The following TOM1L2 variants were observed in gnomAD, a reference collection of about 807,000 sequenced individuals.
TOM1L2 encodes target of myb1 like 2 membrane trafficking protein.
A neutral mutation model predicts 67.9 loss-of-function variants in TOM1L2; 31 were observed. The observed-to-expected ratio is 0.46, with a 90% CI of 0.34 to 0.62. The LOEUF (loss-of-function observed/expected upper bound fraction) is 0.62, where lower values mean the gene tolerates loss of function less well. Among genes scored for constraint, TOM1L2 ranks in the 20% least tolerant of loss-of-function variants. The pLI is 0.01. For synonymous variants in TOM1L2, 256 were observed against 254.0 expected (o/e 1.01, Z -0.07); for missense variants, 606 against 663.5 (o/e 0.91, Z 0.95).
chr17:17,915,630 C>T (rs1358882318), intron 1 of TOM1L2, among the ~76,000 whole-genome samples: 2 of 152,086 alleles, frequency 1.3e-5, no homozygotes, highest in Admixed American at 6.6e-5. Flanking sequence ...ATCCTCCCAC[C>T]TCAGCCTCCC....
At chr17:17,894,740 A>C (rs2038466996) in intron 3 of TOM1L2, among the ~76,000 whole-genome samples, 1 of 152,200 alleles carries the variant, frequency 6.6e-6, no homozygotes, top group South Asian at 2.1e-4. Flanking sequence ...AGACCAGCCT[A>C]GCCAACACGG....
At chr17:17,859,976 G>C (rs1343928396) in intron 12 of TOM1L2, 1 of 152,394 alleles carries the variant, frequency 6.6e-6, no homozygotes, top group African/African-American at 2.4e-5. Context: ...CACACAAAGG[G>C]TGAAGGGCGG....
At chr17:17,954,269 G>A (rs1023457446) in intron 1 of TOM1L2, among the ~76,000 whole-genome samples, 1 of 151,846 alleles carries the variant, frequency 6.6e-6, no homozygotes, top group Admixed American at 6.6e-5. Flanking sequence ...AAGAAGCCCA[G>A]TCAGTGAAGG....
At chr17:17,878,005 G>A (rs900141686) in intron 7 of TOM1L2, among the ~76,000 whole-genome samples, 1 of 152,158 alleles carries the variant, frequency 6.6e-6, no homozygotes, top group Non-Finnish European at 1.5e-5. Context: ...CCAGGAGCAC[G>A]GCTCTATCCA....
intron 3 of TOM1L2, among the ~76,000 whole-genome samples, chr17:17,898,179 C>A (rs2038671139): frequency 2.0e-5 from 3 of 152,094 alleles, no homozygotes; most frequent in Non-Finnish European, 4.4e-5. Context: ...CCGCTTCAGC[C>A]TCCCAAAGTG....
intron 3 of TOM1L2, among the ~76,000 whole-genome samples, chr17:17,896,041 C>G (rs1182468228): frequency 2.0e-5 from 3 of 152,046 alleles, no homozygotes; most frequent in Non-Finnish European, 4.4e-5. Context: ...TCTGAGTGAC[C>G]ACAGGTTTTA....
chr17:17,892,159 G>T (rs980358878), intron 4 of TOM1L2, among the ~76,000 whole-genome samples: 6 of 152,196 alleles, frequency 3.9e-5, no homozygotes, highest in Non-Finnish European at 7.3e-5. Flanking sequence ...TGAGGAGGAG[G>T]AGTCACTGCT....
At chr17:17,873,630 G>A (rs2037265526) in intron 7 of TOM1L2, among the ~76,000 whole-genome samples, 1 of 152,238 alleles carries the variant, frequency 6.6e-6, no homozygotes, top group African/African-American at 2.4e-5. Context: ...GAAGGGAGCA[G>A]GGGTTGATGT....
intron 6 of TOM1L2, among the ~76,000 whole-genome samples, chr17:17,880,743 A>G (rs1237965695): frequency 6.6e-6 from 1 of 152,076 alleles, no homozygotes; most frequent in Non-Finnish European, 1.5e-5. Flanking sequence ...GGTGGCACTA[A>G]CCTCACCAGG....
At chr17:17,883,434 C>T (rs773538313) in intron 5 of TOM1L2, among the ~76,000 whole-genome samples, 1 of 152,156 alleles carries the variant, frequency 6.6e-6, no homozygotes, top group Non-Finnish European at 1.5e-5. Flanking sequence ...AAACAGCCTC[C>T]AGAAAGGGCA....
chr17:17,869,089 C>A, intron 8 of TOM1L2: 5 of 581,896 alleles, frequency 8.6e-6, no homozygotes, highest in Non-Finnish European at 1.4e-5. Context: ...AAAGGCAGAG[C>A]AGCCTGAGGC....
intron 1 of TOM1L2, among the ~76,000 whole-genome samples, chr17:17,969,799 A>G (rs1750733311): frequency 6.6e-6 from 1 of 152,148 alleles, no homozygotes; most frequent in African/African-American, 2.4e-5. Context: ...TCCAGATACT[A>G]TGCTAAGTGT....
chr17:17,869,563 A>G, intron 7 of TOM1L2, 90 bp from the exon 8 acceptor site: 1 of 1,469,154 alleles, frequency 6.8e-7, no homozygotes, highest in Non-Finnish European at 9.0e-7. Context: ...TGATTCTTAA[A>G]AGTCACAAAA....
At chr17:17,898,949 T>C (rs2038713874) in intron 2 of TOM1L2, among the ~76,000 whole-genome samples, 1 of 152,232 alleles carries the variant, frequency 6.6e-6, no homozygotes, top group South Asian at 2.1e-4. Context: ...GTTCTTTGCA[T>C]AACAGTGTAC....
At chr17:17,872,444 A>G (rs1354913199) in intron 7 of TOM1L2, among the ~76,000 whole-genome samples, 1 of 152,248 alleles carries the variant, frequency 6.6e-6, no homozygotes, top group East Asian at 1.9e-4. Context: ...CCTAAAAGAA[A>G]AAAAGGATAC....
At chr17:17,899,832 C>A (rs2038758124) in intron 2 of TOM1L2, among the ~76,000 whole-genome samples, 1 of 152,182 alleles carries the variant, frequency 6.6e-6, no homozygotes, top group Admixed American at 6.5e-5. Flanking sequence ...AACATTTATA[C>A]TCTACCAAAT....
chr17:17,847,655 C>T lies in TOM1L2; in HGVS notation c.1504G>A (p.Asp502Asn). The T allele has an allele frequency of 6.2e-7, 1 of 1,613,058 alleles. No homozygotes were observed. Residue 502 changes from aspartate to asparagine, a missense_variant, in exon 15 of 15, where the codon GAT becomes AAT. Around this residue, in one of 2 missense-constraint regions of TOM1L2, gnomAD observed 543 missense variants for 554.0 expected, o/e 0.98. Coordinates refer to ENST00000379504, the MANE Select transcript of TOM1L2 (RefSeq NM_001082968.2). Reference protein sequence around the residue: ...SGRKKPERSEDALFAL With the variant: ...SGRKKPERSENALFAL ...GCTGCTCACAGGGCGAAGAGGGCATCCTCTGACCGCTCTGGCTTCTTCCGG... is the reference window on the plus strand; with the variant it reads ...GCTGCTCACAGGGCGAAGAGGGCATTCTCTGACCGCTCTGGCTTCTTCCGG...
chr17:17,861,831 C>G (rs2036575742), intron 11 of TOM1L2: 1 of 347,752 alleles, frequency 2.9e-6, no homozygotes, highest in Admixed American at 4.5e-5. Flanking sequence ...AGTAACAATA[C>G]TGAGCATCTC....
intron 2 of TOM1L2, among the ~76,000 whole-genome samples, chr17:17,898,876 T>A (rs962029660): frequency 6.6e-6 from 1 of 152,218 alleles, no homozygotes; most frequent in African/African-American, 2.4e-5. Context: ...ACTATGCAGC[T>A]GCAAAAAAGA....
Sources: gnomAD v4.1 joint callset for allele counts (sites outside exome capture counted in the v4.1 genomes callset) on GRCh38, gnomAD v4.1.1 for gene constraint, gnomAD v4.1.1 regional missense constraint, MANE v1.5 for transcripts, NCBI Gene and HGNC (gene_info 2026-07-23, HGNC 2026-07-21) for gene names.